The following ZNF837 variants were observed in gnomAD, a reference collection of about 807,000 sequenced individuals.
The protein encoded by ZNF837 is zinc finger protein 837.
For missense variants in ZNF837, 955 were observed against 801.7 expected (o/e 1.19, Z -2.31); for synonymous variants, 475 against 365.2 (o/e 1.30, Z -3.43).
In ZNF837 at chr19:58,369,189, C is replaced by T. The variant is rs1429395323; in HGVS notation, c.144G>A (p.Gly48=). ...DRAGSRPTQK[G]DLRGAAGGRT... ...TACCGCCCGCCGCTCCACGCAGGTC[C>T]CCCTTTTGAGTGGGGCGGCTCCCAG... Residue 48 remains glycine (G), a synonymous_variant, in exon 3 of 3, where the codon GGG becomes GGA. Transcript: ENST00000597582. The T allele has an allele frequency of 6.9e-7, 1 of 1,449,872 alleles. No homozygotes were observed. Among genetic ancestry groups the T allele is most frequent in the Non-Finnish European group, 9.1e-7 (1 of 1,101,984 alleles). The allele number at this position is 1,449,872 out of a possible 1,614,324, so 89.8% of individuals were successfully genotyped here.
chr19:58,375,373 T>G (rs922663083), intron 1 of ZNF837, among the ~76,000 whole-genome samples: 1 of 147,024 alleles, frequency 6.8e-6, no homozygotes, highest in Non-Finnish European at 1.5e-5. Flanking sequence ...ATTAGAGATA[T>G]ATATATACTA....
chr19:58,376,291 G>A (rs147878006), intron 1 of ZNF837, among the ~76,000 whole-genome samples: 12,438 of 152,048 alleles, frequency 0.082, 868 homozygotes, highest in East Asian at 0.35. Context: ...GGTGGCTCAC[G>A]CCTGTAATTC....
Position 58,368,185 on chromosome 19 carries a change from C to A in ZNF837, c.1148G>T (p.Arg383Leu). ...GLFSHLVEHR[R>L]VHTGEKPYAC... ...GTAGGGCTTCTCGCCGGTGTGCACG[C>A]GCCGGTGCTCCACGAGGTGCGAGAA... Residue 383 changes from arginine to leucine, a missense_variant, in exon 3 of 3, where the codon CGC becomes CTC. Coordinates refer to ENST00000597582, the MANE Select transcript of ZNF837 (RefSeq NM_138466.2). 1 of 1,577,912 alleles carries A rather than the reference C, an allele frequency of 6.3e-7. No homozygotes were observed.
At chr19:58,380,558 G>C (rs918627016) in intron 1 of ZNF837, among the ~76,000 whole-genome samples, 8 of 152,232 alleles carry the variant, frequency 5.3e-5, no homozygotes, top group Non-Finnish European at 1.0e-4. Context: ...AAAGAGCAAA[G>C]TGCAAAGGCC....
At chr19:58,379,507 A>G (rs1292623433) in intron 1 of ZNF837, among the ~76,000 whole-genome samples, 2 of 152,130 alleles carry the variant, frequency 1.3e-5, no homozygotes, top group Admixed American at 1.3e-4. Context: ...CAGCAAACAC[A>G]ATCGAGGCTC....
At chr19:58,371,313 C>A (rs575452165) in intron 1 of ZNF837, among the ~76,000 whole-genome samples, 25 of 151,130 alleles carry the variant, frequency 1.7e-4, no homozygotes, top group African/African-American at 6.1e-4. Context: ...GAGGCTAAGG[C>A]AGGAGAATCA....
At chr19:58,380,281 C>G (rs1225342292) in intron 1 of ZNF837, among the ~76,000 whole-genome samples, 1 of 152,236 alleles carries the variant, frequency 6.6e-6, no homozygotes, top group Non-Finnish European at 1.5e-5. Flanking sequence ...TGTCTGTCCT[C>G]CCGACAGTGC....
At chr19:58,379,453 G>A (rs575744779) in intron 1 of ZNF837, among the ~76,000 whole-genome samples, 1 of 152,322 alleles carries the variant, frequency 6.6e-6, no homozygotes, top group East Asian at 1.9e-4. Flanking sequence ...CCACCTGTAG[G>A]TGGGTGGCAT....
intron 1 of ZNF837, among the ~76,000 whole-genome samples, chr19:58,372,182 G>A (rs1237282319): frequency 4.6e-5 from 7 of 152,196 alleles, no homozygotes; most frequent in Non-Finnish European, 7.4e-5. Context: ...AGCCTCCTGA[G>A]TAGCTGGGAT....
At chr19:58,369,401 G>A in intron 2 of ZNF837, 40 bp from the exon 3 acceptor site, 1 of 1,317,480 alleles carries the variant, frequency 7.6e-7, no homozygotes, top group Non-Finnish European at 9.6e-7. Context: ...GCGGTTCCCA[G>A]GAGGAGAGAA....
chr19:58,367,712 C>T lies in ZNF837; in HGVS notation c.*25G>A. The T allele has an allele frequency of 1.4e-6, 2 of 1,478,282 alleles. No individual in the cohort carries two copies. The highest frequency in any genetic ancestry group is 1.8e-6 in the Non-Finnish European group (2 of 1,121,058). 91.6% of individuals were successfully genotyped at this position (1,478,282 alleles called of 1,614,324 possible). A position where few individuals can be genotyped will look rare whatever the true frequency, so the allele number is the denominator to read the frequency against. ...CTCGACGCAGGGTTCGCTTGGGCGACGCGTCGACTCTCGGCTCCCTGCAGT... is the reference window on the plus strand; with the variant it reads ...CTCGACGCAGGGTTCGCTTGGGCGATGCGTCGACTCTCGGCTCCCTGCAGT... On this transcript the variant is annotated 3_prime_UTR_variant, in exon 3 of 3. Coordinates refer to ENST00000597582, the MANE Select transcript of ZNF837 (RefSeq NM_138466.2).
rs995579394 is a variant in ZNF837, at chr19:58,367,935, C to T, written c.1398G>A (p.Glu466=). The T allele has an allele frequency of 1.1e-5, 17 of 1,534,034 alleles. No individual in the cohort carries two copies. Among genetic ancestry groups the T allele is most frequent in the Non-Finnish European group, 1.5e-5 (17 of 1,144,224 alleles). The stretch of plus-strand genomic sequence containing the variant: ...AGGGCTTCTCGCCCGAGTGCAGGCG[C>T]TCGTGCTGGCGCAGCTCGGAGCAGC... ...FRGCSELRQH[E]RLHSGEKPYI... Residue 466 remains glutamate, a synonymous_variant, in exon 3 of 3, where the codon GAG becomes GAA. Coordinates refer to ENST00000597582, the MANE Select transcript of ZNF837 (RefSeq NM_138466.2).
At chr19:58,370,033 T>A (rs2052185631) in intron 1 of ZNF837, 105 bp from the exon 2 acceptor site, 1 of 152,244 alleles carries the variant, frequency 6.6e-6, no homozygotes, top group South Asian at 2.1e-4. Context: ...TGGCGCCTGC[T>A]ATTACTATTT....
At chr19:58,378,740 G>A (rs1040232118) in intron 1 of ZNF837, among the ~76,000 whole-genome samples, 1 of 152,236 alleles carries the variant, frequency 6.6e-6, no homozygotes, top group African/African-American at 2.4e-5. Context: ...ATCTTGTGAT[G>A]AGATCACCCT....
In ZNF837 at chr19:58,368,083, T is replaced by G. The variant is rs562952519; in HGVS notation, c.1250A>C (p.Lys417Thr). The change falls in exon 3 of 3, where the codon AAG (lysine) becomes ACG (threonine). Residue 417 changes from lysine to threonine, a missense_variant. By Grantham distance (78) the Lys-to-Thr change is moderately conservative. Coordinates refer to ENST00000597582, the MANE Select transcript of ZNF837 (RefSeq NM_138466.2). Reference protein sequence around the residue: ...SRHQRTHSSAKPYACPLCEKA... With the variant: ...SRHQRTHSSATPYACPLCEKA... Reference sequence around the variant, plus strand: ...TTCGCACAGTGGGCACGCGTAGGGCTTGGCGCTGCTGTGAGTGCGCTGGTG... The same window carrying G: ...TTCGCACAGTGGGCACGCGTAGGGCGTGGCGCTGCTGTGAGTGCGCTGGTG... 1 of 1,552,058 alleles carries G rather than the reference T, an allele frequency of 6.4e-7. No individual in the cohort carries two copies. The highest frequency in any genetic ancestry group is 2.4e-5 in the East Asian group (1 of 41,328).
At chr19:58,370,949 CGG>C (rs55782279) in intron 1 of ZNF837, among the ~76,000 whole-genome samples, 51 of 135,280 alleles carry the variant, frequency 3.8e-4, no homozygotes, top group Non-Finnish European at 4.5e-4. Context: ...GGGTGAAGGC[CGG>C]GGGGGGGGAG....
Position 58,368,149 on chromosome 19 carries a change from T to G in ZNF837, c.1184A>C (p.Glu395Ala), listed in dbSNP as rs1384759180. 2.5e-6 allele frequency: 4 copies of G among 1,588,170 alleles called. No individual in the cohort carries two copies. The Admixed American group carries it at 7.1e-5, about 28-fold the overall frequency. ...HTGEKPYACP[E>A]CGKAFNQRSN... Reference sequence around the variant, plus strand: ...GCGCTGGTTGAAGGCCTTGCCGCACTCGGGGCACGCGTAGGGCTTCTCGCC... The same window carrying G: ...GCGCTGGTTGAAGGCCTTGCCGCACGCGGGGCACGCGTAGGGCTTCTCGCC... Residue 395 changes from glutamate to alanine, a missense_variant, in exon 3 of 3, where the codon GAG (glutamate) becomes GCG (alanine). Coordinates refer to ENST00000597582, the MANE Select transcript of ZNF837 (RefSeq NM_138466.2).
chr19:58,367,730 C>G lies in ZNF837; in HGVS notation c.*7G>C. 2 of 1,505,464 alleles carry G rather than the reference C, an allele frequency of 1.3e-6. No individual in the cohort carries two copies. The highest frequency in any genetic ancestry group is 8.8e-7 in the Non-Finnish European group (1 of 1,134,370). The allele number at this position is 1,505,464 out of a possible 1,614,324, so 93.3% of individuals were successfully genotyped here. On this transcript the variant is annotated 3_prime_UTR_variant, in exon 3 of 3. Transcript: ENST00000597582. ...TGGGCGACGCGTCGACTCTCGGCTC[C>G]CTGCAGTCAAGGCGCGGCGCGGCCC...
intron 1 of ZNF837, among the ~76,000 whole-genome samples, chr19:58,375,205 G>A (rs1325493680): frequency 1.5e-5 from 2 of 131,980 alleles, no homozygotes; most frequent in Non-Finnish European, 3.1e-5. Flanking sequence ...GCAATGAGCC[G>A]AGATCACAAC....
Sources: gnomAD v4.1 joint callset for allele counts (sites outside exome capture counted in the v4.1 genomes callset) on GRCh38, gnomAD v4.1.1 for gene constraint, MANE v1.5 for transcripts, NCBI Gene and HGNC (gene_info 2026-07-23, HGNC 2026-07-21) for gene names.